IQCJ: variants seen among roughly 807,000 people sequenced by gnomAD.
The protein encoded by IQCJ is IQ domain-containing protein J.
IQCJ carries 9 observed loss-of-function variants against 11.0 expected under a neutral mutation model. That is an observed-to-expected ratio of 0.82 (90% confidence interval 0.49 to 1.43). The LOEUF is 1.43. Ranked by LOEUF, IQCJ falls within the 40% of genes most tolerant of loss-of-function variation. The probability of loss-of-function intolerance (pLI) is 0.00; values close to 1 mark genes in which losing one functional copy is unlikely to be tolerated. For synonymous variants in IQCJ, 55 were observed against 51.3 expected (o/e 1.07, Z -0.31); for missense variants, 146 against 133.2 (o/e 1.10, Z -0.47).
intron 1 of IQCJ, among the ~76,000 whole-genome samples, chr3:159,142,602 G>T (rs1288461689): frequency 6.6e-6 from 1 of 152,118 alleles, no homozygotes; most frequent in Non-Finnish European, 1.5e-5. Context: ...ATTTTTAGTA[G>T]AGACGGGGTT....
chr3:159,117,163 C>T (rs1056559881), intron 1 of IQCJ, among the ~76,000 whole-genome samples: 2 of 152,228 alleles, frequency 1.3e-5, no homozygotes, highest in South Asian at 2.1e-4. Flanking sequence ...CTAAAGCCCA[C>T]ATGAATGTCA....
chr3:159,194,129 G>A (rs1357508194), intron 1 of IQCJ, among the ~76,000 whole-genome samples: 1 of 152,142 alleles, frequency 6.6e-6, no homozygotes, highest in African/African-American at 2.4e-5. Flanking sequence ...AAATCCTTTT[G>A]CTCTGTAACT....
rs752118638 is a variant in IQCJ at position 159,262,780 on chromosome 3, G to A, written c.*49G>A. 2.5e-6 allele frequency: 4 copies of A among 1,580,484 alleles called. No homozygotes were observed. The Admixed American group carries it at 5.2e-5, about 21-fold the overall frequency. On this transcript the variant is annotated 3_prime_UTR_variant, in exon 4 of 4. Coordinates refer to ENST00000397832, the MANE Select transcript of IQCJ (RefSeq NM_001042706.3). ...GAGAAATCTTGGGATGTGAGCAGGTGGTTTGTGACAGTGAAGATCTATGTA... is the reference window on the plus strand; with the variant it reads ...GAGAAATCTTGGGATGTGAGCAGGTAGTTTGTGACAGTGAAGATCTATGTA...
intron 1 of IQCJ, among the ~76,000 whole-genome samples, chr3:159,182,119 C>T (rs1723123274): frequency 6.6e-6 from 1 of 151,876 alleles, no homozygotes; most frequent in Non-Finnish European, 1.5e-5. Flanking sequence ...ACCTCAGTTT[C>T]CTTGCTGTTT....
intron 3 of IQCJ, among the ~76,000 whole-genome samples, chr3:159,255,539 C>A (rs529425397): frequency 1.3e-5 from 2 of 152,152 alleles, no homozygotes; most frequent in African/African-American, 4.8e-5. Context: ...AAAGTGTAAA[C>A]CTGCGTGTGG....
chr3:159,156,712 G>A (rs1721540098), intron 1 of IQCJ, among the ~76,000 whole-genome samples: 2 of 152,146 alleles, frequency 1.3e-5, no homozygotes, highest in Non-Finnish European at 2.9e-5. Flanking sequence ...AAGAGACAGA[G>A]CTCCAGGTGT....
At chr3:159,086,379 A>C (rs966738863) in intron 1 of IQCJ, among the ~76,000 whole-genome samples, 3 of 152,204 alleles carry the variant, frequency 2.0e-5, no homozygotes, top group Non-Finnish European at 4.4e-5. Context: ...CTTTTGGCTT[A>C]GGATTGACTT....
Position 159,216,066 on chromosome 3 carries a change from AAAAG to A in IQCJ, c.10-29772_10-29769del, listed in dbSNP as rs542811684. ...CCTTGAAGAGGGAAAAGTTTTGAGA[AAAAG>A]AAAGCGTGTGTGTGTGTGGGGCGGG... On this transcript the variant is annotated intron_variant, in intron 1 of 3. Transcript: ENST00000397832. 1.7e-4 allele frequency among the ~76,000 whole-genome samples: 22 copies of A among 129,918 alleles called. 2 individuals are homozygous for A. In the South Asian group the frequency reaches 5.2e-3, roughly 31 times the overall value. The allele number at this position is 129,918 out of a possible 152,430, so 85.2% of individuals were successfully genotyped here. A position where few individuals can be genotyped will look rare whatever the true frequency, so the allele number is the denominator to read the frequency against.
At chr3:159,094,291 A>G (rs1386574134) in intron 1 of IQCJ, among the ~76,000 whole-genome samples, 6 of 151,864 alleles carry the variant, frequency 4.0e-5, no homozygotes, top group African/African-American at 1.5e-4. Context: ...CAGATATTGT[A>G]GAAACCAGAT....
intron 1 of IQCJ, among the ~76,000 whole-genome samples, chr3:159,131,942 T>C (rs73027670): frequency 0.038 from 5,208 of 137,502 alleles, 313 homozygotes; most frequent in African/African-American, 0.14. Flanking sequence ...CTCTTTTACA[T>C]TAAGTACACA....
chr3:159,264,247 C>T (rs866588681), downstream of IQCJ, among the ~76,000 whole-genome samples: 3 of 152,126 alleles, frequency 2.0e-5, no homozygotes, highest in Admixed American at 1.3e-4. Flanking sequence ...CTTAACCTTT[C>T]GGTTTTATTG....
At chr3:159,167,970 G>T (rs1377642658) in intron 1 of IQCJ, among the ~76,000 whole-genome samples, 1 of 152,174 alleles carries the variant, frequency 6.6e-6, no homozygotes, top group Non-Finnish European at 1.5e-5. Flanking sequence ...GCCCGCAGAG[G>T]CAGGGAAGGT....
chr3:159,252,880 C>T lies in IQCJ; in HGVS notation c.155+73C>T, dbSNP rs773985763. The T allele has an allele frequency of 2.6e-5, 38 of 1,443,748 alleles. 1 individual carries two copies. The highest frequency in any genetic ancestry group is 2.9e-5 in the Non-Finnish European group (31 of 1,051,544). 89.4% of individuals were successfully genotyped at this position (1,443,748 alleles called of 1,614,324 possible). A position where few individuals can be genotyped will look rare whatever the true frequency, so the allele number is the denominator to read the frequency against. The stretch of plus-strand genomic sequence containing the variant: ...AATTCCTGAATAAATCTGGAATTTT[C>T]GGGCACAACAGTTATGCATCTTTAT... On this transcript the variant is annotated intron_variant, in intron 3 of 3. Transcript: ENST00000397832.
intron 1 of IQCJ, among the ~76,000 whole-genome samples, chr3:159,138,560 A>T (rs1027991887): frequency 6.6e-6 from 1 of 152,270 alleles, no homozygotes; most frequent in African/African-American, 2.4e-5. Flanking sequence ...GTGTTTAGAC[A>T]TACCTGTATT....
At chr3:159,091,282 T>A (rs962567528) in intron 1 of IQCJ, among the ~76,000 whole-genome samples, 12 of 151,720 alleles carry the variant, frequency 7.9e-5, no homozygotes, top group African/African-American at 2.9e-4. Flanking sequence ...ACAACAAAAA[T>A]TATTTCTCTT....
At position 159,169,279 on chromosome 3, in the gene IQCJ, CTTTT is replaced by C. The variant is rs141888128; in HGVS notation, c.10-76544_10-76541del. 1.6e-4 allele frequency among the ~76,000 whole-genome samples: 9 copies of C among 56,396 alleles called. No homozygotes were observed. In the South Asian group the frequency reaches 4.6e-3, roughly 29 times the overall value. The allele number at this position is 56,396 out of a possible 152,430, so 37.0% of individuals were successfully genotyped here. On this transcript the variant is annotated intron_variant, in intron 1 of 3. Coordinates refer to ENST00000397832, the MANE Select transcript of IQCJ (RefSeq NM_001042706.3). ...TTTTTTCCCTTTTCTTTCTTTCTTT[CTTTT>C]TTTTTTTTTTTTTTTTTTTGATGGA...
chr3:159,106,019 A>T (rs1251935447), intron 1 of IQCJ, among the ~76,000 whole-genome samples: 2 of 152,202 alleles, frequency 1.3e-5, no homozygotes, highest in Non-Finnish European at 2.9e-5. Context: ...GGCTGTAAGA[A>T]TGGTGAGAAG....
intron 1 of IQCJ, among the ~76,000 whole-genome samples, chr3:159,108,445 G>T (rs1462145554): frequency 6.6e-6 from 1 of 152,098 alleles, no homozygotes; most frequent in Non-Finnish European, 1.5e-5. Flanking sequence ...TGTCATCTTA[G>T]GTATTTAATT....
chr3:159,124,253 C>G (rs1004093402), intron 1 of IQCJ, among the ~76,000 whole-genome samples: 4 of 152,152 alleles, frequency 2.6e-5, no homozygotes, highest in East Asian at 1.9e-4. Context: ...ACTGCAGGAG[C>G]TTTTGGTCTT....
Sources: gnomAD v4.1 joint callset for allele counts (sites outside exome capture counted in the v4.1 genomes callset) on GRCh38, gnomAD v4.1.1 for gene constraint, MANE v1.5 for transcripts, NCBI Gene and HGNC (gene_info 2026-07-23, HGNC 2026-07-21) for gene names.